The following SH2B2 variants were observed in gnomAD, a reference collection of about 807,000 sequenced individuals.
The protein encoded by SH2B2 is SH2B adaptor protein 2, also known as SH2B adapter protein 2.
SH2B2 carries 37 observed loss-of-function variants against 35.7 expected under a neutral mutation model. The ratio of observed to expected loss-of-function variants is 1.04; its 90% confidence interval spans 0.80 to 1.36. SH2B2 has a LOEUF of 1.36. SH2B2 is among the 40% of genes most tolerant of loss of function. The pLI is 0.00. For missense variants in SH2B2, 852 were observed against 817.7 expected (o/e 1.04, Z -0.51); for synonymous variants, 383 against 376.4 (o/e 1.02, Z -0.20).
intron 4 of SH2B2, among the ~76,000 whole-genome samples, chr7:102,311,584 G>A (rs1306980306): frequency 2.8e-5 from 4 of 145,286 alleles, no homozygotes; most frequent in Admixed American, 6.9e-5. Context: ...TTTTAGAGAC[G>A]GGATCGGGAT....
Position 102,308,877 on chromosome 7 carries a change from A to T in SH2B2, c.894A>T (p.Val298=). 1.9e-6 allele frequency: 3 copies of T among 1,613,716 alleles called. No individual in the cohort carries two copies. In the East Asian group the frequency reaches 6.7e-5, roughly 36 times the overall value. ...ACTCTCTGCAGAAGCACTCGTGGGT[A>T]GCTGACATCCAGGGCTGCGTGGACC... ...TIDSLQKHSW[V]ADIQGCVDPG... Residue 298 remains valine, a synonymous_variant, in exon 4 of 9, where the codon GTA becomes GTT. Transcript: ENST00000444095.
At position 102,306,792 on chromosome 7, in the gene SH2B2, G is replaced by A; in HGVS notation, c.801G>A (p.Met267Ile). The A allele has an allele frequency of 6.3e-7, 1 of 1,595,166 alleles. No individual in the cohort carries two copies. Among genetic ancestry groups the A allele is most frequent in the Non-Finnish European group, 8.5e-7 (1 of 1,171,176 alleles). The change falls in exon 3 of 9, where the codon ATG becomes ATA. Residue 267 changes from methionine to isoleucine, a missense_variant. Met to Ile is a conservative substitution (Grantham distance 10). Coordinates refer to ENST00000444095, the MANE Select transcript of SH2B2 (RefSeq NM_001359228.2). ...TCCGCACCACCATGCCCCTGGAAATGCCAGAGAAGGATAACACATTCGTCC... is the reference window on the plus strand; with the variant it reads ...TCCGCACCACCATGCCCCTGGAAATACCAGAGAAGGATAACACATTCGTCC... ...IEVRTTMPLEMPEKDNTFVLK... is the reference protein window; with the variant it reads ...IEVRTTMPLEIPEKDNTFVLK...
chr7:102,312,627 A>ATGTC (rs1793669406), intron 4 of SH2B2, among the ~76,000 whole-genome samples: 1 of 152,044 alleles, frequency 6.6e-6, no homozygotes, highest in Non-Finnish European at 1.5e-5. Flanking sequence ...AGATTGGGTA[A>ATGTC]TTTCTTTCTT....
intron 2 of SH2B2, among the ~76,000 whole-genome samples, chr7:102,302,787 G>A (rs112638940): frequency 0.02 from 3,065 of 152,296 alleles, 110 homozygotes; most frequent in African/African-American, 0.071. Context: ...ACATGGTGGC[G>A]CGCACCTGTA....
intron 1 of SH2B2, among the ~76,000 whole-genome samples, chr7:102,295,483 A>ATGGTGG (rs142032007): frequency 7.9e-5 from 12 of 152,022 alleles, no homozygotes; most frequent in African/African-American, 2.9e-4. Context: ...CCTGGAGGCC[A>ATGGTGG]TGGTGGTGGT....
At position 102,306,955 on chromosome 7, in the gene SH2B2, G is replaced by T. The variant is rs189453200; in HGVS notation, c.831+133G>T. 349 of 707,320 alleles carry T rather than the reference G, an allele frequency of 4.9e-4. 2 individuals carry two copies. In the African/African-American group the frequency reaches 5.0e-3, roughly 10 times the overall value. 43.8% of individuals were successfully genotyped at this position (707,320 alleles called of 1,614,324 possible). On this transcript the variant is annotated intron_variant, in intron 3 of 8. Transcript: ENST00000444095. Reference sequence around the variant, plus strand: ...CAGTAGTGGGAGGGAGCCCTGGTGTGGGGGGTTCCCAGACCCTATGACAGA... The same window carrying T: ...CAGTAGTGGGAGGGAGCCCTGGTGTTGGGGGTTCCCAGACCCTATGACAGA...
At chr7:102,294,756 CCT>C (rs1413767306) in intron 1 of SH2B2, among the ~76,000 whole-genome samples, 1 of 152,188 alleles carries the variant, frequency 6.6e-6, no homozygotes, top group African/African-American at 2.4e-5. Flanking sequence ...TCCGGGCCTC[CCT>C]CTCTCCATCT....
At chr7:102,317,110 C>T in intron 6 of SH2B2, 77 bp from the exon 7 acceptor site, 2 of 1,183,350 alleles carry the variant, frequency 1.7e-6, no homozygotes, top group East Asian at 5.3e-5. Context: ...CAAGACGTCA[C>T]CTCTCTTCTC....
chr7:102,317,119 T>C, intron 6 of SH2B2, 68 bp from the exon 7 acceptor site: 1 of 1,290,764 alleles, frequency 7.7e-7, no homozygotes, highest in Non-Finnish European at 1.1e-6. Context: ...ACCTCTCTTC[T>C]CACATTTATT....
In SH2B2 at chr7:102,300,532, C is replaced by G. The variant is rs979355440; in HGVS notation, c.-19C>G. ...TCTTCTCGCCCGAAGCCGCAGGTGG[C>G]TGCGATGGGACGGAAGCCATGAATG... is the stretch of plus-strand genomic sequence containing the variant. On this transcript the variant is annotated 5_prime_UTR_variant, in exon 2 of 9. Transcript: ENST00000444095. 3.3e-5 allele frequency: 51 copies of G among 1,535,786 alleles called. No individual in the cohort carries two copies. Among genetic ancestry groups the G allele is most frequent in the Non-Finnish European group, 4.4e-5 (50 of 1,143,104 alleles).
rs782425353 is a variant in SH2B2 at position 102,321,357 on chromosome 7, C to T, written c.1626C>T (p.Pro542=). The change falls in exon 9 of 9, where the codon CCC becomes CCT. Residue 542 remains proline, a synonymous_variant. Coordinates refer to ENST00000444095, the MANE Select transcript of SH2B2 (RefSeq NM_001359228.2). ...CCCCGGCCTGCTGGAGCGACTCGCC[C>T]GGCCAGCACTACTTCTCCAGCCTCG... ...PASPACWSDS[P]GQHYFSSLAA... is the part of the protein sequence containing the mutation. 7.2e-5 allele frequency: 103 copies of T among 1,437,338 alleles called. No homozygotes were observed. The highest frequency in any genetic ancestry group is 3.9e-4 in the Admixed American group (14 of 36,084). 89.0% of individuals were successfully genotyped at this position (1,437,338 alleles called of 1,614,324 possible).
At chr7:102,298,265 TTTTTG>T (rs1197697474) in intron 1 of SH2B2, among the ~76,000 whole-genome samples, 2 of 152,126 alleles carry the variant, frequency 1.3e-5, no homozygotes, top group Non-Finnish European at 2.9e-5. Flanking sequence ...TGGGTTTTTG[TTTTTG>T]TTTTGTTTTG....
In SH2B2 at chr7:102,320,347, T is replaced by G; in HGVS notation, c.1412T>G (p.Leu471Arg). The G allele has an allele frequency of 1.1e-5, 17 of 1,611,880 alleles. No homozygotes were observed. Among genetic ancestry groups the G allele is most frequent in the Non-Finnish European group, 1.4e-5 (17 of 1,179,836 alleles). Residue 471 changes from leucine (L) to arginine (R), a missense_variant, in exon 8 of 9, where the codon CTG becomes CGG. By Grantham distance (102) the Leu-to-Arg change is moderately radical. Transcript: ENST00000444095. ...TACCCACAGCACCTGCGCCTGTCCC[T>G]GAACGGCCACGGCCAGTGTCACGTA... Reference protein sequence around the residue: ...QGKAKHLRLSLNGHGQCHVQH... With the variant: ...QGKAKHLRLSRNGHGQCHVQH...
intron 4 of SH2B2, among the ~76,000 whole-genome samples, chr7:102,313,876 A>T (rs1307484749): frequency 4.0e-5 from 6 of 151,728 alleles, no homozygotes; most frequent in African/African-American, 1.5e-4. Flanking sequence ...GCGCCACTGC[A>T]CTCCAGCCCT....
chr7:102,320,650 A>G, intron 8 of SH2B2, 148 bp downstream of exon 8: 1 of 1,116,230 alleles, frequency 9.0e-7, no homozygotes, highest in South Asian at 1.6e-5. Flanking sequence ...AGCCACAGCA[A>G]TTTCAAGCAG....
chr7:102,286,937 G>T lies in SH2B2; in HGVS notation c.-187G>T, dbSNP rs1161710150. 3.3e-5 allele frequency: 5 copies of T among 149,320 alleles called. No homozygotes were observed. Among genetic ancestry groups the T allele is most frequent in the Non-Finnish European group, 7.4e-5 (5 of 67,156 alleles). The allele number at this position is 149,320 out of a possible 1,614,324, so 9.2% of individuals were successfully genotyped here. Reference sequence around the variant, plus strand: ...CAGAGAGCCGCGCGGGGGACGCGCCGGGACCGCGAGGAGCGCAGGAGCCTT... The same window carrying T: ...CAGAGAGCCGCGCGGGGGACGCGCCTGGACCGCGAGGAGCGCAGGAGCCTT... On this transcript the variant is annotated 5_prime_UTR_variant, in exon 1 of 9. Coordinates refer to ENST00000444095, the MANE Select transcript of SH2B2 (RefSeq NM_001359228.2).
intron 4 of SH2B2, among the ~76,000 whole-genome samples, chr7:102,313,826 C>T (rs998029569): frequency 9.9e-5 from 15 of 151,714 alleles, no homozygotes; most frequent in African/African-American, 3.4e-4. Context: ...GCAGGAGAAT[C>T]GCTTGAACCC....
At position 102,320,372 on chromosome 7, in the gene SH2B2, A is replaced by G; in HGVS notation, c.1437A>G (p.Val479=). ...TGAACGGCCACGGCCAGTGTCACGT[A>G]CAGCATCTGTGGTTCCAGTCTGTGC... is the stretch of plus-strand genomic sequence containing the variant. The part of the protein sequence containing the change: ...LSLNGHGQCH[V]QHLWFQSVLD... The change falls in exon 8 of 9, where the codon GTA becomes GTG. Residue 479 remains valine, a synonymous_variant. Transcript: ENST00000444095. 6.2e-7 allele frequency: 1 copy of G among 1,613,296 alleles called. No homozygotes were observed. Among genetic ancestry groups the G allele is most frequent in the South Asian group, 1.1e-5 (1 of 91,080 alleles).
intron 4 of SH2B2, among the ~76,000 whole-genome samples, chr7:102,309,868 G>A (rs1016897375): frequency 3.3e-5 from 5 of 152,150 alleles, no homozygotes; most frequent in East Asian, 1.9e-4. Context: ...AACTGGGCAC[G>A]GTGGCATGCA....
Sources: gnomAD v4.1 joint callset for allele counts (sites outside exome capture counted in the v4.1 genomes callset) on GRCh38, gnomAD v4.1.1 for gene constraint, MANE v1.5 for transcripts, NCBI Gene and HGNC (gene_info 2026-07-23, HGNC 2026-07-21) for gene names.